The following CTNNA2 variants were observed in gnomAD, a reference collection of about 807,000 sequenced individuals.
CTNNA2 encodes catenin alpha-2.
A neutral mutation model predicts 101.0 loss-of-function variants in CTNNA2; 42 were observed. That is an observed-to-expected ratio of 0.42 (90% confidence interval 0.32 to 0.54). The LOEUF (loss-of-function observed/expected upper bound fraction) is 0.54. CTNNA2 is among the 20% of genes least tolerant of loss of function. The pLI is 0.14. For synonymous variants in CTNNA2, 450 were observed against 456.4 expected, an observed-to-expected ratio of 0.99 and a Z score of 0.18; for missense variants, 871 against 1,223.1, an observed-to-expected ratio of 0.71 and a Z score of 4.29.
At chr2:79,417,987 G>C (rs1006769097) in intron 4 of CTNNA2, among the ~76,000 whole-genome samples, 1 of 152,092 alleles carries the variant, frequency 6.6e-6, no homozygotes, top group Non-Finnish European at 1.5e-5. Flanking sequence ...CAAAGGCTCT[G>C]AGGTTAGGGG....
rs936959645 is a variant in CTNNA2, at chr2:79,523,220, G to T, written c.-6+10013G>T. 20 of 441,694 alleles carry T rather than the reference G, an allele frequency of 4.5e-5. No homozygotes were observed. In the Admixed American group the frequency reaches 4.8e-4, roughly 11 times the overall value. 27.4% of individuals were successfully genotyped at this position (441,694 alleles called of 1,614,324 possible). On this transcript the variant is annotated intron_variant, in intron 1 of 18. Transcript: ENST00000402739. ...GCTGTCTACAGAGATAAAATGTCTG[G>T]GTTGATCTGCCTTCAATATGGGCTG... is the stretch of plus-strand genomic sequence containing the variant.
chr2:80,219,356 G>A (rs1436614493), intron 7 of CTNNA2, among the ~76,000 whole-genome samples: 2 of 152,250 alleles, frequency 1.3e-5, no homozygotes, highest in Non-Finnish European at 1.5e-5. Context: ...TGGGTTTGAA[G>A]CACTGTTATC....
chr2:79,385,305 G>A (rs181372333), intron 4 of CTNNA2, among the ~76,000 whole-genome samples: 38 of 152,220 alleles, frequency 2.5e-4, no homozygotes, highest in Admixed American at 1.9e-3. Context: ...TAAGGTTGCC[G>A]TCTTATTTTG....
intron 1 of CTNNA2, among the ~76,000 whole-genome samples, chr2:79,598,462 C>T (rs776838646): frequency 1.3e-5 from 2 of 152,204 alleles, no homozygotes; most frequent in Non-Finnish European, 2.9e-5. Flanking sequence ...TCCACATCCT[C>T]GCCAGCATTT....
chr2:79,611,481 G>A lies in CTNNA2; in HGVS notation c.-5-40071G>A, dbSNP rs570217577. The stretch of plus-strand genomic sequence containing the variant: ...GGGTCTCTCGACTAGGCACGAGGAA[G>A]GCATTAAATACAGAATTAAACAAAT... On this transcript the variant is annotated intron_variant, in intron 1 of 18. Transcript: ENST00000402739. Among the ~76,000 whole-genome samples, 6 of 152,214 alleles carry A rather than the reference G, an allele frequency of 3.9e-5. No homozygotes were observed. In the South Asian group the frequency reaches 1.2e-3, roughly 32 times the overall value.
At chr2:80,353,736 T>G (rs1471097546) in intron 7 of CTNNA2, among the ~76,000 whole-genome samples, 3 of 152,120 alleles carry the variant, frequency 2.0e-5, no homozygotes, top group African/African-American at 7.2e-5. Context: ...TTTGCCAAGA[T>G]CGAATGAGAT....
chr2:80,147,164 C>T (rs1167751324), intron 7 of CTNNA2, among the ~76,000 whole-genome samples: 1 of 151,968 alleles, frequency 6.6e-6, no homozygotes, highest in Non-Finnish European at 1.5e-5. Context: ...TGGGATTTCA[C>T]TATGTTGGTC....
chr2:79,425,393 C>T (rs1332377795), intron 4 of CTNNA2, among the ~76,000 whole-genome samples: 2 of 152,076 alleles, frequency 1.3e-5, no homozygotes, highest in Admixed American at 6.6e-5. Flanking sequence ...ATACCTCAGA[C>T]TGGATAATAT....
chr2:79,276,612 T>C (rs1675219143), intron 2 of CTNNA2, among the ~76,000 whole-genome samples: 1 of 152,132 alleles, frequency 6.6e-6, no homozygotes, highest in Admixed American at 6.5e-5. Context: ...TTTGTTTGCC[T>C]ATTTTTGTTT....
At chr2:79,265,411 T>G (rs1177382858) in intron 2 of CTNNA2, among the ~76,000 whole-genome samples, 1 of 152,142 alleles carries the variant, frequency 6.6e-6, no homozygotes, top group African/African-American at 2.4e-5. Flanking sequence ...CTTTTCTGCT[T>G]AGTACTGTCT....
At chr2:80,606,882 T>TG (rs1698073862) in intron 16 of CTNNA2, among the ~76,000 whole-genome samples, 2 of 152,018 alleles carry the variant, frequency 1.3e-5, no homozygotes, top group Non-Finnish European at 2.9e-5. Flanking sequence ...GTCAGCCCTC[T>TG]GGGGAGATAT....
intron 3 of CTNNA2, among the ~76,000 whole-genome samples, chr2:79,853,646 T>C (rs994413297): frequency 6.7e-6 from 1 of 149,436 alleles, no homozygotes; most frequent in Non-Finnish European, 1.5e-5. Context: ...TGCCATACTT[T>C]TCTTTTTTCC....
chr2:80,560,753 A>T (rs183146533), intron 12 of CTNNA2, among the ~76,000 whole-genome samples: 9 of 152,300 alleles, frequency 5.9e-5, no homozygotes, highest in Admixed American at 2.6e-4. Flanking sequence ...GAGACCACAG[A>T]AAACTATTAG....
chr2:79,909,179 A>C (rs1180821927), intron 6 of CTNNA2, among the ~76,000 whole-genome samples: 1 of 151,472 alleles, frequency 6.6e-6, no homozygotes, highest in African/African-American at 2.4e-5. Context: ...GTGTGTGTAT[A>C]CAAGCCACAG....
chr2:80,158,056 A>T (rs1038143620), intron 7 of CTNNA2, among the ~76,000 whole-genome samples: 1 of 152,224 alleles, frequency 6.6e-6, no homozygotes. Flanking sequence ...GTAAAAAGCA[A>T]CTTAATTTTT....
At chr2:80,043,727 G>A (rs1171167462) in intron 7 of CTNNA2, among the ~76,000 whole-genome samples, 4 of 152,212 alleles carry the variant, frequency 2.6e-5, no homozygotes, top group Admixed American at 2.0e-4. Context: ...ATACAACTCA[G>A]ATATAAGCCC....
intron 3 of CTNNA2, among the ~76,000 whole-genome samples, chr2:79,334,389 T>G (rs1573089319): frequency 6.6e-6 from 1 of 152,060 alleles, no homozygotes; most frequent in East Asian, 1.9e-4. Flanking sequence ...AGCTGCCTGT[T>G]TATTGGATGA....
chr2:80,370,283 C>T (rs576961192), intron 7 of CTNNA2, among the ~76,000 whole-genome samples: 4 of 151,158 alleles, frequency 2.6e-5, no homozygotes, highest in South Asian at 4.2e-4. Context: ...TGTTTGTGTG[C>T]GTGTGTGAAT....
intron 7 of CTNNA2, among the ~76,000 whole-genome samples, chr2:80,376,725 G>T (rs933494780): frequency 6.6e-6 from 1 of 152,116 alleles, no homozygotes; most frequent in Admixed American, 6.6e-5. Flanking sequence ...AATTCCCTTC[G>T]AGGACTCCCC....
Sources: gnomAD v4.1 joint callset for allele counts (sites outside exome capture counted in the v4.1 genomes callset) on GRCh38, gnomAD v4.1.1 for gene constraint, MANE v1.5 for transcripts, NCBI Gene and HGNC (gene_info 2026-07-23, HGNC 2026-07-21) for gene names.